Variants in CTNNA3 observed in about 807,000 individuals in gnomAD.
The protein encoded by CTNNA3 is catenin alpha 3, also known as catenin alpha-3.
In CTNNA3, 76 loss-of-function variants were observed where a neutral mutation model predicts 95.7. The ratio of observed to expected loss-of-function variants is 0.79; its 90% CI spans 0.66 to 0.96. The LOEUF is 0.96. Among genes scored for constraint, CTNNA3 ranks in the 40% least tolerant of loss-of-function variants. The pLI is 0.00. For synonymous variants in CTNNA3, 431 were observed against 374.4 expected (o/e 1.15, Z -1.74); for missense variants, 1,191 against 1,089.8 (o/e 1.09, Z -1.31).
intron 7 of CTNNA3, among the ~76,000 whole-genome samples, chr10:66,978,240 T>G (rs1216250476): frequency 6.6e-6 from 1 of 151,926 alleles, no homozygotes; most frequent in Non-Finnish European, 1.5e-5. Flanking sequence ...AATATTGTAT[T>G]GTGGGCCAAG....
intron 13 of CTNNA3, among the ~76,000 whole-genome samples, chr10:66,226,223 T>A (rs1223779236): frequency 6.6e-6 from 1 of 152,152 alleles, no homozygotes; most frequent in Non-Finnish European, 1.5e-5. Flanking sequence ...TGAGTTGATT[T>A]CTGTATATAG....
chr10:67,058,857 T>C (rs1056251436), intron 7 of CTNNA3, among the ~76,000 whole-genome samples: 3 of 152,174 alleles, frequency 2.0e-5, no homozygotes, highest in African/African-American at 7.2e-5. Context: ...TATCAATTTC[T>C]AAGATCATAA....
At position 66,522,094 on chromosome 10, in the gene CTNNA3, A is replaced by G. The variant is rs1043149940; in HGVS notation, c.1375-1321T>C. Among the ~76,000 whole-genome samples, 13 of 152,152 alleles carry G rather than the reference A, an allele frequency of 8.5e-5. 1 individual carries two copies. Among genetic ancestry groups the G allele is most frequent in the Admixed American group, 2.6e-4 (4 of 15,240 alleles). On this transcript the variant is annotated intron_variant, in intron 10 of 17. Transcript: ENST00000433211. ...TTCCTTCAATTAGAGCATGAATAATATAATATTTTTTTAATCACAAATGGA... is the reference window on the plus strand; with the variant it reads ...TTCCTTCAATTAGAGCATGAATAATGTAATATTTTTTTAATCACAAATGGA...
intron 5 of CTNNA3, among the ~76,000 whole-genome samples, chr10:67,443,276 A>G (rs1361737292): frequency 2.0e-5 from 3 of 150,624 alleles, no homozygotes; most frequent in Non-Finnish European, 4.4e-5. Context: ...GTGTCTTTAT[A>G]GCAGCATGAT....
At chr10:66,747,182 T>C (rs947047334) in intron 9 of CTNNA3, among the ~76,000 whole-genome samples, 2 of 152,234 alleles carry the variant, frequency 1.3e-5, no homozygotes, top group African/African-American at 2.4e-5. Context: ...CTTACAAGCT[T>C]AGAAAGTATA....
chr10:66,421,500 A>C (rs1350765116), intron 11 of CTNNA3, among the ~76,000 whole-genome samples: 1 of 152,090 alleles, frequency 6.6e-6, no homozygotes, highest in Admixed American at 6.6e-5. Flanking sequence ...TGCATGTAAC[A>C]AAATATCACA....
chr10:66,275,597 G>A (rs2091378596), intron 13 of CTNNA3, among the ~76,000 whole-genome samples: 1 of 152,184 alleles, frequency 6.6e-6, no homozygotes, highest in South Asian at 2.1e-4. Context: ...GTACAGCTGA[G>A]ACTTGAACTC....
intron 5 of CTNNA3, among the ~76,000 whole-genome samples, chr10:67,325,246 G>A (rs377052456): frequency 6.6e-5 from 10 of 152,106 alleles, no homozygotes; most frequent in African/African-American, 2.4e-4. Flanking sequence ...GTTCAGCTCT[G>A]ATTTTGGTTA....
intron 9 of CTNNA3, among the ~76,000 whole-genome samples, chr10:66,718,628 TATA>T (rs1848529724): frequency 6.7e-6 from 1 of 149,092 alleles, no homozygotes; most frequent in African/African-American, 2.4e-5. Context: ...TATAATTAAA[TATA>T]ATAATATAAT....
intron 7 of CTNNA3, among the ~76,000 whole-genome samples, chr10:66,913,596 A>G (rs966232678): frequency 6.6e-6 from 1 of 152,218 alleles, no homozygotes. Flanking sequence ...CAATTTCTAC[A>G]AATTTTTGGA....
chr10:66,161,502 G>A (rs2084842827), intron 13 of CTNNA3, among the ~76,000 whole-genome samples: 2 of 152,104 alleles, frequency 1.3e-5, no homozygotes, highest in South Asian at 4.1e-4. Context: ...TAATTGTTTT[G>A]TTCAAGAAGG....
chr10:66,494,812 C>A (rs1231163468), intron 11 of CTNNA3, among the ~76,000 whole-genome samples: 1 of 152,190 alleles, frequency 6.6e-6, no homozygotes, highest in Non-Finnish European at 1.5e-5. Context: ...ACTTTCACAA[C>A]CACTGTCTAT....
At chr10:66,870,887 C>T (rs1169502237) in intron 7 of CTNNA3, among the ~76,000 whole-genome samples, 1 of 152,054 alleles carries the variant, frequency 6.6e-6, no homozygotes, top group Non-Finnish European at 1.5e-5. Flanking sequence ...GTTTGGAACA[C>T]CCTCACCATT....
intron 2 of CTNNA3, among the ~76,000 whole-genome samples, chr10:67,637,113 T>C (rs1400412402): frequency 6.6e-6 from 1 of 152,032 alleles, no homozygotes; most frequent in Non-Finnish European, 1.5e-5. Context: ...TTAAAAACCT[T>C]GAAAAAAGAT....
At chr10:66,475,473 GATA>G (rs1475387009) in intron 11 of CTNNA3, among the ~76,000 whole-genome samples, 1 of 151,902 alleles carries the variant, frequency 6.6e-6, no homozygotes, top group Non-Finnish European at 1.5e-5. Context: ...CTGTTGCTCT[GATA>G]ATAATTTATT....
intron 11 of CTNNA3, among the ~76,000 whole-genome samples, chr10:66,405,497 A>G (rs1749956116): frequency 6.6e-6 from 1 of 152,166 alleles, no homozygotes; most frequent in African/African-American, 2.4e-5. Context: ...GATTGGCTCA[A>G]AATGAGGTAC....
intron 2 of CTNNA3, among the ~76,000 whole-genome samples, chr10:67,641,886 AT>A (rs1839547561): frequency 6.6e-6 from 1 of 152,200 alleles, no homozygotes; most frequent in Admixed American, 6.5e-5. Context: ...GAGTGATAGC[AT>A]TAGGAGGTAT....
intron 11 of CTNNA3, among the ~76,000 whole-genome samples, chr10:66,486,533 CAA>C (rs1839732297): frequency 6.6e-6 from 1 of 151,946 alleles, no homozygotes; most frequent in Non-Finnish European, 1.5e-5. Flanking sequence ...ACCAAAAAGA[CAA>C]GAGATAAGAA....
At chr10:67,299,982 T>C (rs10823026) in intron 5 of CTNNA3, among the ~76,000 whole-genome samples, 38,309 of 152,090 alleles carry the variant, frequency 0.25, 7,050 homozygotes, top group African/African-American at 0.51. Flanking sequence ...TAGCTATTGC[T>C]TTAGATTAAT....
Sources: gnomAD v4.1 joint callset for allele counts (sites outside exome capture counted in the v4.1 genomes callset) on GRCh38, gnomAD v4.1.1 for gene constraint, MANE v1.5 for transcripts, NCBI Gene and HGNC (gene_info 2026-07-23, HGNC 2026-07-21) for gene names.